DSTYK: variants seen among roughly 807,000 people sequenced by gnomAD.
The protein encoded by DSTYK is RIP-homologous kinase.
DSTYK carries 34 observed loss-of-function variants against 98.7 expected under a neutral mutation model. The observed-to-expected ratio is 0.34, with a 90% CI of 0.26 to 0.46. The LOEUF is 0.46. DSTYK is among the 20% of genes least tolerant of loss of function. The pLI is 1.00. For missense variants in DSTYK, 962 were observed against 1,181.7 expected, an observed-to-expected ratio of 0.81 and a Z score of 2.73; for synonymous variants, 462 against 457.3, an observed-to-expected ratio of 1.01 and a Z score of -0.13.
At chr1:205,153,304 C>T (rs1271071571) in intron 10 of DSTYK, among the ~76,000 whole-genome samples, 2 of 152,144 alleles carry the variant, frequency 1.3e-5, no homozygotes, top group African/African-American at 4.8e-5. Flanking sequence ...ATTCAAATTA[C>T]AGGACTGGAG....
intron 10 of DSTYK, among the ~76,000 whole-genome samples, chr1:205,154,645 G>C (rs1657504559): frequency 6.6e-6 from 1 of 152,172 alleles, no homozygotes; most frequent in Non-Finnish European, 1.5e-5. Context: ...CTGCTGTAAG[G>C]ATACATGAAA....
intron 10 of DSTYK, 117 bp downstream of exon 10, chr1:205,157,156 A>G: frequency 2.6e-6 from 2 of 773,094 alleles, no homozygotes; most frequent in Non-Finnish European, 4.3e-6. Flanking sequence ...GTGAGAATGG[A>G]CTAATACACT....
intron 1 of DSTYK, among the ~76,000 whole-genome samples, chr1:205,191,500 G>T (rs1189957699): frequency 6.6e-6 from 1 of 152,194 alleles, no homozygotes; most frequent in East Asian, 1.9e-4. Context: ...GTAAATGGAG[G>T]GGGGTGGAGT....
At chr1:205,199,644 A>T (rs1658967297) in intron 1 of DSTYK, among the ~76,000 whole-genome samples, 1 of 152,136 alleles carries the variant, frequency 6.6e-6, no homozygotes, top group African/African-American at 2.4e-5. Context: ...ACGGCACTCC[A>T]GTCAGAGCTC....
chr1:205,196,713 A>G (rs199764372), intron 1 of DSTYK, among the ~76,000 whole-genome samples: 52 of 151,898 alleles, frequency 3.4e-4, no homozygotes, highest in East Asian at 2.9e-3. Context: ...AAGGAAAAAA[A>G]TGGTGAATTC....
intron 1 of DSTYK, among the ~76,000 whole-genome samples, chr1:205,201,033 G>A (rs1350678514): frequency 6.6e-6 from 1 of 152,036 alleles, no homozygotes; most frequent in Non-Finnish European, 1.5e-5. Context: ...AGCCTCCTGA[G>A]TAGCTGGGAT....
intron 2 of DSTYK, among the ~76,000 whole-genome samples, chr1:205,182,305 GGA>G (rs1465074708): frequency 4.6e-5 from 7 of 151,910 alleles, no homozygotes; most frequent in African/African-American, 1.4e-4. Context: ...GGAGGAGGCA[GGA>G]GAATCACTTG....
In DSTYK at chr1:205,187,509, G is replaced by T. The variant is rs1415831125; in HGVS notation, c.563C>A (p.Pro188His). ...VAHQGNWETIPEEDLEVQENN... is the reference protein window; with the variant it reads ...VAHQGNWETIHEEDLEVQENN... ...CTCTTGGACCTCCAGATCCTCCTCA[G>T]GGATGGTCTCCCAGTTGCCCTGATG... The change falls in exon 2 of 13, where the codon CCT becomes CAT. Residue 188 changes from proline to histidine, a missense_variant. Transcript: ENST00000367162. 6.2e-7 allele frequency: 1 copy of T among 1,614,070 alleles called. No homozygotes were observed. Among genetic ancestry groups the T allele is most frequent in the Non-Finnish European group, 8.5e-7 (1 of 1,180,040 alleles).
At position 205,150,421 on chromosome 1, in the gene DSTYK, T is replaced by C. The variant is rs1318498953; in HGVS notation, c.2467+259A>G. Among the ~76,000 whole-genome samples, 1 of 144,804 alleles carries C rather than the reference T, an allele frequency of 6.9e-6. No individual in the cohort carries two copies. The highest frequency in any genetic ancestry group is 1.5e-5 in the Non-Finnish European group (1 of 65,238). 95.0% of individuals were successfully genotyped at this position (144,804 alleles called of 152,430 possible). A position where few individuals can be genotyped will look rare whatever the true frequency, so the allele number is the denominator to read the frequency against. On this transcript the variant is annotated intron_variant, in intron 11 of 12. Transcript: ENST00000367162. This position sits in a 1 kb window ranked among gnomAD's most constrained non-coding sequence, Gnocchi z 4.1. ...CAATCAATACTTTATGATTAAATAATTGGCTGATTATGGCAGTTATGGCAC... is the reference window on the plus strand; with the variant it reads ...CAATCAATACTTTATGATTAAATAACTGGCTGATTATGGCAGTTATGGCAC...
intron 3 of DSTYK, among the ~76,000 whole-genome samples, chr1:205,168,568 A>G (rs1657955904): frequency 6.6e-6 from 1 of 152,212 alleles, no homozygotes; most frequent in Admixed American, 6.5e-5. Flanking sequence ...TGTCATTTTA[A>G]TCTTGCATGG....
intron 2 of DSTYK, among the ~76,000 whole-genome samples, chr1:205,185,553 C>T (rs937258261): frequency 2.6e-5 from 4 of 152,126 alleles, no homozygotes; most frequent in Non-Finnish European, 4.4e-5. Flanking sequence ...CAGGTCATAG[C>T]ATCAACTTAG....
chr1:205,197,376 G>A (rs1658898586), intron 1 of DSTYK, among the ~76,000 whole-genome samples: 1 of 152,164 alleles, frequency 6.6e-6, no homozygotes, highest in Admixed American at 6.5e-5. Flanking sequence ...TATAGATCAG[G>A]AAGGAGAGAG....
chr1:205,189,489 C>T (rs1174988454), intron 1 of DSTYK, among the ~76,000 whole-genome samples: 1 of 152,206 alleles, frequency 6.6e-6, no homozygotes. Context: ...GTGGCACTAA[C>T]TGAAACAGTA....
At chr1:205,165,246 C>A (rs1657853449) in intron 3 of DSTYK, among the ~76,000 whole-genome samples, 1 of 152,010 alleles carries the variant, frequency 6.6e-6, no homozygotes, top group African/African-American at 2.4e-5. Context: ...GCACCCACCA[C>A]CACGCCAGAC....
chr1:205,211,674 C>T lies in DSTYK; in HGVS notation c.-139G>A. The T allele has an allele frequency of 8.4e-7, 1 of 1,186,094 alleles. No homozygotes were observed. The highest frequency in any genetic ancestry group is 1.1e-6 in the Non-Finnish European group (1 of 891,418). 73.5% of individuals were successfully genotyped at this position (1,186,094 alleles called of 1,614,324 possible). ...TGCAGTCAGCCTGGCTCCCAACCTC[C>T]GTCACTGCCGTTGCAAACAAACCAA... On this transcript the variant is annotated 5_prime_UTR_variant, in exon 1 of 13. Transcript: ENST00000367162.
intron 1 of DSTYK, among the ~76,000 whole-genome samples, chr1:205,188,986 G>A (rs1271897066): frequency 2.0e-5 from 3 of 152,092 alleles, no homozygotes; most frequent in Admixed American, 6.6e-5. Context: ...TCTCCTTGAT[G>A]GACATCCCAA....
At chr1:205,163,057 T>TA in intron 4 of DSTYK, 51 bp from the exon 5 acceptor site, 1 of 1,455,052 alleles carries the variant, frequency 6.9e-7, no homozygotes, top group Non-Finnish European at 9.7e-7. Context: ...GTGGCTATTT[T>TA]AAAAATGCAA....
intron 3 of DSTYK, among the ~76,000 whole-genome samples, chr1:205,165,872 T>C (rs1233588334): frequency 1.3e-5 from 2 of 151,950 alleles, no homozygotes; most frequent in East Asian, 3.9e-4. Context: ...TGCACACCTT[T>C]AGACCCAGGT....
chr1:205,201,895 A>C (rs1659051527), intron 1 of DSTYK, among the ~76,000 whole-genome samples: 1 of 152,114 alleles, frequency 6.6e-6, no homozygotes, highest in Admixed American at 6.5e-5. Flanking sequence ...CCCTGTCTCT[A>C]CTAAAAATAC....
Sources: allele counts gnomAD v4.1 joint callset (sites outside exome capture counted in the v4.1 genomes callset), GRCh38; gene constraint gnomAD v4.1.1; non-coding constraint Gnocchi (gnomAD v3.1); transcripts MANE v1.5; gene names NCBI Gene and HGNC (gene_info 2026-07-23, HGNC 2026-07-21).